The following LYPD6 variants were observed in gnomAD, a reference collection of about 807,000 sequenced individuals.
The protein encoded by LYPD6 is LY6/PLAUR domain containing 6.
A neutral mutation model predicts 22.7 loss-of-function variants in LYPD6; 15 were observed. That is an observed-to-expected ratio of 0.66 (90% CI 0.44 to 1.02). The LOEUF (loss-of-function observed/expected upper bound fraction) is 1.02. Among genes scored for constraint, LYPD6 ranks in the 50% least tolerant of loss-of-function variants. The pLI is 0.00. For missense variants in LYPD6, 189 were observed against 208.4 expected (o/e 0.91, Z 0.57); for synonymous variants, 72 against 77.5 (o/e 0.93, Z 0.37).
At chr2:149,331,714 A>G (rs1573722201) in intron 1 of LYPD6, among the ~76,000 whole-genome samples, 1 of 152,206 alleles carries the variant, frequency 6.6e-6, no homozygotes, top group African/African-American at 2.4e-5. Flanking sequence ...CCCAGAGCAT[A>G]TGACAAAAAG....
chr2:149,448,680 C>T (rs1489526978), intron 2 of LYPD6, among the ~76,000 whole-genome samples: 1 of 152,190 alleles, frequency 6.6e-6, no homozygotes, highest in Non-Finnish European at 1.5e-5. Context: ...TGGAAACTCA[C>T]CCAAGTTGTT....
At chr2:149,428,235 G>A (rs951713454) in intron 1 of LYPD6, among the ~76,000 whole-genome samples, 1 of 152,184 alleles carries the variant, frequency 6.6e-6, no homozygotes. Flanking sequence ...ATTTAAGCTA[G>A]TGGCTGGATC....
At chr2:149,331,734 C>G (rs1005771508) in intron 1 of LYPD6, among the ~76,000 whole-genome samples, 1 of 152,148 alleles carries the variant, frequency 6.6e-6, no homozygotes, top group Non-Finnish European at 1.5e-5. Context: ...GAATGTTAAG[C>G]TTCTTTCTAT....
chr2:149,438,750 G>A (rs976501140), intron 2 of LYPD6, among the ~76,000 whole-genome samples: 2 of 152,200 alleles, frequency 1.3e-5, no homozygotes, highest in African/African-American at 4.8e-5. Context: ...TTCAATCCAC[G>A]TGGTTGGAAT....
chr2:149,483,677 A>G, the LYPD6 span, among the ~76,000 whole-genome samples: 1 of 152,236 alleles, frequency 6.6e-6, no homozygotes, highest in Non-Finnish European at 1.5e-5. Context: ...TAAGTGATGG[A>G]TATGGTAAGC....
chr2:149,353,129 A>G (rs960299472), intron 1 of LYPD6, among the ~76,000 whole-genome samples: 1 of 152,218 alleles, frequency 6.6e-6, no homozygotes, highest in African/African-American at 2.4e-5. Context: ...TTGGTAAAGT[A>G]AGCACAAATT....
At chr2:149,387,853 A>C (rs1422525173) in intron 1 of LYPD6, among the ~76,000 whole-genome samples, 28 of 152,224 alleles carry the variant, frequency 1.8e-4, no homozygotes, top group Admixed American at 1.8e-3. Context: ...AGTGCATAAA[A>C]CCAAGGCTCA....
intron 1 of LYPD6, among the ~76,000 whole-genome samples, chr2:149,405,725 C>T (rs1478181557): frequency 3.3e-5 from 5 of 151,966 alleles, no homozygotes; most frequent in Admixed American, 3.3e-4. Context: ...TTTTGTGTCT[C>T]TATTTCCTTC....
intron 1 of LYPD6, among the ~76,000 whole-genome samples, chr2:149,388,621 G>T (rs2105095519): frequency 6.6e-6 from 1 of 152,110 alleles, no homozygotes; most frequent in Non-Finnish European, 1.5e-5. Context: ...CCACTAGGGG[G>T]ATGAGGAGCT....
intron 1 of LYPD6, among the ~76,000 whole-genome samples, chr2:149,417,377 ATT>A (rs1369426589): frequency 4.6e-5 from 7 of 152,194 alleles, no homozygotes; most frequent in African/African-American, 1.7e-4. Context: ...GTGGACCTAT[ATT>A]ATTAGATCTT....
At chr2:149,371,844 T>C (rs944251863) in intron 1 of LYPD6, among the ~76,000 whole-genome samples, 1 of 152,156 alleles carries the variant, frequency 6.6e-6, no homozygotes, top group Non-Finnish European at 1.5e-5. Context: ...TCCATAGTAC[T>C]CCTATTTAAT....
At chr2:149,346,485 C>T (rs1278125903) in intron 1 of LYPD6, among the ~76,000 whole-genome samples, 1 of 152,114 alleles carries the variant, frequency 6.6e-6, no homozygotes, top group Non-Finnish European at 1.5e-5. Flanking sequence ...AGCATTTCCC[C>T]TCGGGAATGC....
chr2:149,343,411 C>G (rs1681198722), intron 1 of LYPD6, among the ~76,000 whole-genome samples: 2 of 152,218 alleles, frequency 1.3e-5, no homozygotes, highest in African/African-American at 4.8e-5. Context: ...AGGAGAATGA[C>G]AAACATCCAT....
At position 149,388,274 on chromosome 2, in the gene LYPD6, G is replaced by A. The variant is rs186319664; in HGVS notation, c.-71-49364G>A. 7.9e-4 allele frequency among the ~76,000 whole-genome samples: 120 copies of A among 151,486 alleles called. 1 individual carries two copies. The highest frequency in any genetic ancestry group is 2.9e-3 in the African/African-American group (119 of 41,262). ...GAGGAAGTGTACTTTGATACTGTTGGTGTGCCATGGATATACAAGGGCGCA... is the reference window on the plus strand; with the variant it reads ...GAGGAAGTGTACTTTGATACTGTTGATGTGCCATGGATATACAAGGGCGCA... On this transcript the variant is annotated intron_variant, in intron 1 of 4. Coordinates refer to ENST00000334166, the MANE Select transcript of LYPD6 (RefSeq NM_194317.5).
rs1473508740 is a variant in LYPD6 at position 149,473,652 on chromosome 2, A to G, written c.*2802A>G. The G allele has an allele frequency of 6.6e-6, 1 of 152,224 alleles. No homozygotes were observed. The highest frequency in any genetic ancestry group is 1.5e-5 in the Non-Finnish European group (1 of 68,034). 9.4% of individuals were successfully genotyped at this position (152,224 alleles called of 1,614,324 possible). ...TTACCAGGCTCCTCCCTGCAAATGCACATGTCAATCAATGATTAATGCACC... is the reference window on the plus strand; with the variant it reads ...TTACCAGGCTCCTCCCTGCAAATGCGCATGTCAATCAATGATTAATGCACC... On this transcript the variant is annotated 3_prime_UTR_variant, in exon 5 of 5. Transcript: ENST00000334166.
At chr2:149,413,378 CAT>C (rs1463438481) in intron 1 of LYPD6, among the ~76,000 whole-genome samples, 1 of 152,186 alleles carries the variant, frequency 6.6e-6, no homozygotes, top group Non-Finnish European at 1.5e-5. Context: ...CAAATTTTCT[CAT>C]GTGTAAAGAA....
At chr2:149,462,104 G>A (rs1188637091) in intron 3 of LYPD6, among the ~76,000 whole-genome samples, 1 of 150,360 alleles carries the variant, frequency 6.7e-6, no homozygotes, top group Non-Finnish European at 1.5e-5. Flanking sequence ...AAATATGACT[G>A]TCCTTTTTCA....
intron 1 of LYPD6, among the ~76,000 whole-genome samples, chr2:149,424,334 A>T (rs1683146165): frequency 6.6e-6 from 1 of 152,214 alleles, no homozygotes; most frequent in South Asian, 2.1e-4. Context: ...GTTCTACTAC[A>T]TGTTGGCAAT....
At chr2:149,447,870 T>A (rs932745361) in intron 2 of LYPD6, among the ~76,000 whole-genome samples, 1 of 152,200 alleles carries the variant, frequency 6.6e-6, no homozygotes, top group Admixed American at 6.5e-5. Context: ...GTGTGGTAGT[T>A]CATGCCTATA....
Sources: allele counts gnomAD v4.1 joint callset (sites outside exome capture counted in the v4.1 genomes callset), GRCh38; gene constraint gnomAD v4.1.1; transcripts MANE v1.5; gene names NCBI Gene and HGNC (gene_info 2026-07-23, HGNC 2026-07-21).